Variants in UNC5D observed in about 807,000 individuals in gnomAD.
The protein encoded by UNC5D is unc-5 netrin receptor D.
In UNC5D, 39 loss-of-function variants were observed where a neutral mutation model predicts 105.4. That is an observed-to-expected ratio of 0.37 (90% CI 0.29 to 0.48). UNC5D has a LOEUF of 0.48. UNC5D is among the 20% of genes least tolerant of loss of function. The probability of loss-of-function intolerance (pLI) is 0.98; values close to 1 mark genes in which losing one functional copy is unlikely to be tolerated. For missense variants in UNC5D, 991 were observed against 1,202.4 expected, an observed-to-expected ratio of 0.82 and a Z score of 2.60; for synonymous variants, 452 against 450.4, an observed-to-expected ratio of 1.00 and a Z score of -0.04.
intron 2 of UNC5D, among the ~76,000 whole-genome samples, chr8:35,554,773 A>G (rs1290934688): frequency 6.6e-6 from 1 of 152,198 alleles, no homozygotes; most frequent in Non-Finnish European, 1.5e-5. Flanking sequence ...GAGATATCGA[A>G]TTCTAATGAG....
At chr8:35,358,197 C>T (rs1442018686) in intron 1 of UNC5D, among the ~76,000 whole-genome samples, 3 of 152,090 alleles carry the variant, frequency 2.0e-5, no homozygotes, top group African/African-American at 2.4e-5. Flanking sequence ...TACATACATG[C>T]GTATGTTCAT....
intron 1 of UNC5D, among the ~76,000 whole-genome samples, chr8:35,298,586 G>GTTTTTTTTTTTTT (rs35299004): frequency 9.0e-6 from 1 of 110,572 alleles, no homozygotes; most frequent in Non-Finnish European, 1.8e-5. Context: ...ATTGTTGTAG[G>GTTTTTTTTTTTTT]TTTTTTTTTT....
intron 1 of UNC5D, among the ~76,000 whole-genome samples, chr8:35,387,974 C>G (rs1168225503): frequency 6.6e-6 from 1 of 152,056 alleles, no homozygotes; most frequent in Non-Finnish European, 1.5e-5. Flanking sequence ...CCAGGTTTCC[C>G]AAAGAGCAGG....
chr8:35,339,000 A>G (rs1811259296), intron 1 of UNC5D, among the ~76,000 whole-genome samples: 1 of 152,174 alleles, frequency 6.6e-6, no homozygotes, highest in Non-Finnish European at 1.5e-5. Context: ...ACCTGAATCT[A>G]CCTTCTATAA....
chr8:35,685,896 A>G (rs139334667), intron 6 of UNC5D, among the ~76,000 whole-genome samples: 1,632 of 152,232 alleles, frequency 0.011, 98 homozygotes, highest in Admixed American at 0.093. Flanking sequence ...TGGTTGAACT[A>G]TTCCTAGGAG....
intron 1 of UNC5D, among the ~76,000 whole-genome samples, chr8:35,520,767 A>T (rs964427688): frequency 1.3e-5 from 2 of 152,136 alleles, no homozygotes; most frequent in East Asian, 3.8e-4. Flanking sequence ...GGTGGTCATT[A>T]CCATTAAGTT....
At chr8:35,250,182 G>T (rs1803597143) in intron 1 of UNC5D, among the ~76,000 whole-genome samples, 1 of 152,128 alleles carries the variant, frequency 6.6e-6, no homozygotes, top group Non-Finnish European at 1.5e-5. Context: ...TAATTCTGAA[G>T]TTCTCAGTCA....
At chr8:35,309,522 G>T (rs1408840409) in intron 1 of UNC5D, among the ~76,000 whole-genome samples, 1 of 152,196 alleles carries the variant, frequency 6.6e-6, no homozygotes, top group Non-Finnish European at 1.5e-5. Context: ...GTGAATATTA[G>T]TTAAGTGTAA....
intron 8 of UNC5D, among the ~76,000 whole-genome samples, chr8:35,709,600 G>T (rs1411198255): frequency 6.6e-6 from 1 of 152,200 alleles, no homozygotes; most frequent in Admixed American, 6.5e-5. Context: ...TGAGGCAAGA[G>T]AATCACTTGA....
chr8:35,345,687 G>A (rs1354827015), intron 1 of UNC5D, among the ~76,000 whole-genome samples: 1 of 152,062 alleles, frequency 6.6e-6, no homozygotes, highest in Non-Finnish European at 1.5e-5. Context: ...TAAATGTTCT[G>A]TGTGCTCACA....
intron 1 of UNC5D, among the ~76,000 whole-genome samples, chr8:35,490,320 T>G (rs946985087): frequency 1.3e-5 from 2 of 152,144 alleles, no homozygotes; most frequent in African/African-American, 4.8e-5. Context: ...CTGGGCAACA[T>G]AGCAAGACCC....
intron 1 of UNC5D, among the ~76,000 whole-genome samples, chr8:35,422,243 C>G (rs1805962112): frequency 6.6e-6 from 1 of 152,166 alleles, no homozygotes. Flanking sequence ...TAATGGGACT[C>G]TCTGGAAACA....
chr8:35,509,564 C>A (rs1036951904), intron 1 of UNC5D, among the ~76,000 whole-genome samples: 1 of 13,008 alleles, frequency 7.7e-5, no homozygotes, highest in Non-Finnish European at 1.6e-4. Flanking sequence ...TGCTGAATTT[C>A]TTCCCCTGCA....
At chr8:35,688,834 T>C (rs566350060) in intron 7 of UNC5D, among the ~76,000 whole-genome samples, 38 of 152,346 alleles carry the variant, frequency 2.5e-4, no homozygotes, top group Non-Finnish European at 3.4e-4. Flanking sequence ...CCAGTGTCCA[T>C]AGGACGAGTT....
chr8:35,269,442 C>T (rs1805118959), intron 1 of UNC5D, among the ~76,000 whole-genome samples: 1 of 152,226 alleles, frequency 6.6e-6, no homozygotes, highest in South Asian at 2.1e-4. Context: ...TCATGCTGCC[C>T]TCCTTGACTT....
chr8:35,756,719 T>C (rs961664885), intron 13 of UNC5D, among the ~76,000 whole-genome samples: 13 of 152,268 alleles, frequency 8.5e-5, no homozygotes, highest in Admixed American at 4.6e-4. Flanking sequence ...GGAACTTCCA[T>C]GTTTTCATGT....
chr8:35,426,582 A>G (rs1374996215), intron 1 of UNC5D, among the ~76,000 whole-genome samples: 2 of 152,196 alleles, frequency 1.3e-5, no homozygotes, highest in Non-Finnish European at 2.9e-5. Flanking sequence ...TAATGTAATC[A>G]GTAAAATATC....
chr8:35,744,771 TAAG>T (rs1829922603), intron 11 of UNC5D, among the ~76,000 whole-genome samples: 2 of 152,192 alleles, frequency 1.3e-5, no homozygotes, highest in South Asian at 4.2e-4. Context: ...ATCCCTGAGC[TAAG>T]AAGCATGGTG....
At chr8:35,654,465 C>T (rs190749306) in intron 4 of UNC5D, among the ~76,000 whole-genome samples, 1 of 152,266 alleles carries the variant, frequency 6.6e-6, no homozygotes, top group East Asian at 1.9e-4. Context: ...CAGGCTTTGT[C>T]CCCTGTCTAT....
Sources: allele counts gnomAD v4.1 joint callset (sites outside exome capture counted in the v4.1 genomes callset), GRCh38; gene constraint gnomAD v4.1.1; transcripts MANE v1.5; gene names NCBI Gene and HGNC (gene_info 2026-07-23, HGNC 2026-07-21).